The following TTLL5 variants were observed in gnomAD, a reference collection of about 807,000 sequenced individuals.
The protein encoded by TTLL5 is tubulin polyglutamylase TTLL5.
Under a neutral mutation model 168.4 loss-of-function variants are expected in TTLL5, and 132 were observed. The ratio of observed to expected loss-of-function variants is 0.78; its 90% CI spans 0.68 to 0.91. TTLL5 has a LOEUF of 0.91. TTLL5 is among the 40% of genes least tolerant of loss of function. The probability of loss-of-function intolerance (pLI) is 0.00; values close to 1 mark genes in which losing one functional copy is unlikely to be tolerated. For synonymous variants in TTLL5, 546 were observed against 558.6 expected (o/e 0.98, Z 0.32); for missense variants, 1,545 against 1,581.5 (o/e 0.98, Z 0.39).
intron 26 of TTLL5, among the ~76,000 whole-genome samples, chr14:75,788,336 T>G (rs1236805077): frequency 6.6e-6 from 1 of 152,054 alleles, no homozygotes; most frequent in Non-Finnish European, 1.5e-5. Context: ...CAAAAGTGAT[T>G]TTTTGAAAAG....
At chr14:75,783,952 A>AT (rs1892216780) in intron 26 of TTLL5, among the ~76,000 whole-genome samples, 1 of 152,224 alleles carries the variant, frequency 6.6e-6, no homozygotes, top group South Asian at 2.1e-4. Flanking sequence ...AGGTTATATC[A>AT]TTTTAACTGA....
chr14:75,855,797 A>G (rs918850493), intron 28 of TTLL5, among the ~76,000 whole-genome samples: 6 of 152,240 alleles, frequency 3.9e-5, no homozygotes, highest in South Asian at 2.1e-4. Context: ...CAGGTTAACC[A>G]TCTACTTAAA....
rs375900619 is a variant in TTLL5 at position 75,783,510 on chromosome 14, G to A, written c.2966G>A (p.Arg989His). ...AAHIYSQKLSRPSSAKAGSCY... is the reference protein window; with the variant it reads ...AAHIYSQKLSHPSSAKAGSCY... ...CACATCTATAGCCAGAAACTGTCTC[G>A]TCCCTCTTCAGCAAAGGCAGGTGAG... Residue 989 changes from arginine (R) to histidine (H), a missense_variant, in exon 26 of 32, where the codon CGT becomes CAT. By Grantham distance (29) the Arg-to-His change is conservative (BLOSUM62 0). Transcript: ENST00000298832. 152 of 1,613,726 alleles carry A rather than the reference G, an allele frequency of 9.4e-5. No homozygotes were observed. The highest frequency in any genetic ancestry group is 1.7e-4 in the Middle Eastern group (1 of 6,054).
chr14:75,948,045 A>G (rs939316467), intron 31 of TTLL5, among the ~76,000 whole-genome samples: 8 of 152,200 alleles, frequency 5.3e-5, no homozygotes, highest in Non-Finnish European at 8.8e-5. Context: ...CATTCTTTGC[A>G]ATCTTCTATG....
intron 28 of TTLL5, chr14:75,847,617 T>C (rs941588953): frequency 3.9e-5 from 6 of 152,130 alleles, no homozygotes; most frequent in Non-Finnish European, 7.3e-5. Context: ...AGTACTGTTA[T>C]CATCCCCATT....
intron 17 of TTLL5, 122 bp from the exon 18 acceptor site, chr14:75,752,771 T>C: frequency 1.4e-6 from 1 of 740,382 alleles, no homozygotes. Context: ...AGAAACAGTA[T>C]GTTTCATTAA....
At chr14:75,766,436 A>AT in intron 20 of TTLL5, 68 bp downstream of exon 20, 1 of 1,387,192 alleles carries the variant, frequency 7.2e-7, no homozygotes, top group South Asian at 1.4e-5. Context: ...ACCAGCTACT[A>AT]TTTTAGTGGT....
At chr14:75,728,735 G>A (rs748069706) in intron 12 of TTLL5, among the ~76,000 whole-genome samples, 28 of 152,022 alleles carry the variant, frequency 1.8e-4, no homozygotes, top group Non-Finnish European at 4.0e-4. Context: ...GATTGCCTAA[G>A]GAGAAAACTA....
intron 7 of TTLL5, among the ~76,000 whole-genome samples, chr14:75,705,504 C>T (rs181028357): frequency 5.9e-5 from 9 of 152,286 alleles, no homozygotes; most frequent in African/African-American, 1.9e-4. Context: ...GGAAGACTCC[C>T]TGGATTCCGT....
chr14:75,687,406 T>G (rs569887095), intron 5 of TTLL5, among the ~76,000 whole-genome samples: 1 of 152,246 alleles, frequency 6.6e-6, no homozygotes, highest in East Asian at 1.9e-4. Context: ...CCCGAGTAGC[T>G]GGGACTACAG....
intron 3 of TTLL5, among the ~76,000 whole-genome samples, chr14:75,675,657 G>A (rs1417661992): frequency 6.6e-6 from 1 of 152,144 alleles, no homozygotes; most frequent in Non-Finnish European, 1.5e-5. Flanking sequence ...GGGATGAGGT[G>A]GTTCTTTCTT....
At chr14:75,843,877 G>GTTTTTTTTTGTTTTATTTTATTTTA (rs1208784264) in intron 28 of TTLL5, among the ~76,000 whole-genome samples, 2 of 130,706 alleles carry the variant, frequency 1.5e-5, no homozygotes, top group East Asian at 4.2e-4. Context: ...GTTTTGTTTT[G>GTTTTTTTTTGTTTTATTTTATTTTA]TTTTATTTTA....
intron 27 of TTLL5, among the ~76,000 whole-genome samples, chr14:75,800,449 T>C (rs1486649035): frequency 1.3e-5 from 2 of 152,202 alleles, no homozygotes; most frequent in Non-Finnish European, 2.9e-5. Context: ...AGGTAAATAA[T>C]CGACCTTTTG....
At chr14:75,663,724 C>T (rs576715267) in intron 2 of TTLL5, among the ~76,000 whole-genome samples, 1 of 152,180 alleles carries the variant, frequency 6.6e-6, no homozygotes, top group Admixed American at 6.5e-5. Context: ...GTCCATTGAC[C>T]CACACTGCTT....
At chr14:75,765,999 G>C (rs773980867) in intron 19 of TTLL5, 63 bp from the exon 20 acceptor site, 2 of 1,427,556 alleles carry the variant, frequency 1.4e-6, no homozygotes, top group Non-Finnish European at 1.9e-6. Flanking sequence ...AGAAAAGGAA[G>C]GTATTGGGAG....
At position 75,745,503 on chromosome 14, in the gene TTLL5, G is replaced by A. The variant is rs368557430; in HGVS notation, c.1409G>A (p.Arg470Gln). 50 of 1,613,796 alleles carry A rather than the reference G, an allele frequency of 3.1e-5. No individual in the cohort carries two copies. The African/African-American group carries it at 3.3e-4, about 11-fold the overall frequency. Reference sequence around the variant, plus strand: ...TTTTTCATCTAGATCAAAGTTTTACGAAGGGTGAAGGAGGAGAATGATCGG... The same window carrying A: ...TTTTTCATCTAGATCAAAGTTTTACAAAGGGTGAAGGAGGAGAATGATCGG... ...GLSMEEIKVL[R>Q]RVKEENDRRG... Residue 470 changes from arginine to glutamine, a missense_variant, in exon 17 of 32, where the codon CGA becomes CAA. Arg to Gln is a conservative substitution (Grantham distance 43, BLOSUM62 1). Transcript: ENST00000298832.
intron 20 of TTLL5, among the ~76,000 whole-genome samples, chr14:75,769,674 T>C (rs1891164577): frequency 1.3e-5 from 2 of 152,330 alleles, no homozygotes; most frequent in South Asian, 4.1e-4. Flanking sequence ...TTGGATATTC[T>C]GCTACATTTG....
At chr14:75,791,133 T>A (rs2140347842) in intron 26 of TTLL5, among the ~76,000 whole-genome samples, 1 of 129,534 alleles carries the variant, frequency 7.7e-6, no homozygotes, top group East Asian at 2.1e-4. Context: ...AATACCACTT[T>A]GGTATTACTA....
intron 30 of TTLL5, 87 bp downstream of exon 30, chr14:75,882,989 G>A (rs548013133): frequency 4.3e-4 from 579 of 1,343,264 alleles, no homozygotes; most frequent in Non-Finnish European, 5.4e-4. Flanking sequence ...AAGACCGTTC[G>A]TACTGAAGTA....
Sources: allele counts gnomAD v4.1 joint callset (sites outside exome capture counted in the v4.1 genomes callset), GRCh38; gene constraint gnomAD v4.1.1; transcripts MANE v1.5; gene names NCBI Gene and HGNC (gene_info 2026-07-23, HGNC 2026-07-21).